ZNF608: variants seen among roughly 807,000 people sequenced by gnomAD.
The protein encoded by ZNF608 is zinc finger protein 608.
A neutral mutation model predicts 109.0 loss-of-function variants in ZNF608; 12 were observed. The observed-to-expected ratio is 0.11, with a 90% CI of 0.07 to 0.18. The LOEUF (loss-of-function observed/expected upper bound fraction) is 0.18, where lower values mean the gene tolerates loss of function less well. Among genes scored for constraint, ZNF608 ranks in the 10% least tolerant of loss-of-function variants. ZNF608 has a pLI of 1.00. For synonymous variants in ZNF608, 732 were observed against 717.4 expected (o/e 1.02, Z -0.33); for missense variants, 1,707 against 1,879.3 (o/e 0.91, Z 1.70).
intron 3 of ZNF608, among the ~76,000 whole-genome samples, chr5:124,662,949 A>G (rs1343859277): frequency 6.6e-6 from 1 of 152,248 alleles, no homozygotes; most frequent in Non-Finnish European, 1.5e-5. Flanking sequence ...GGGGGTTGCC[A>G]CCTGGAACAA....
At chr5:124,686,323 A>G (rs1752410010) in intron 3 of ZNF608, among the ~76,000 whole-genome samples, 1 of 152,206 alleles carries the variant, frequency 6.6e-6, no homozygotes, top group Admixed American at 6.5e-5. Context: ...AGACAAGTTC[A>G]ACATGGTGCT....
At position 124,649,091 on chromosome 5, in the gene ZNF608, G is replaced by T. The variant is rs763858416; in HGVS notation, c.1293C>A (p.Gly431=). ...ACCTCGCTCTCTTCCCTCTGCCCCG[G>T]CCCCCTCTCATCTCCAGGTCACTTG... The part of the protein sequence containing the change: ...SPTSDLEMRG[G]RGRGKRARSA... The change falls in exon 5 of 10, where the codon GGC becomes GGA. Residue 431 remains glycine (G), a synonymous_variant. Coordinates refer to ENST00000513986, the MANE Select transcript of ZNF608 (RefSeq NM_020747.3). 8.2e-6 allele frequency: 13 copies of T among 1,591,022 alleles called. No individual in the cohort carries two copies. The highest frequency in any genetic ancestry group is 1.1e-5 in the Non-Finnish European group (13 of 1,172,516).
At position 124,745,191 on chromosome 5, in the gene ZNF608, A is replaced by T; in HGVS notation, c.-183-19T>A. ...CCTTTTCCTGTGAAGGGGGGGGGAA[A>T]AGTCGAATATTTCTTGTCTGGGTGT... On this transcript the variant is annotated intron_variant, in intron 1 of 9. Coordinates refer to ENST00000513986, the MANE Select transcript of ZNF608 (RefSeq NM_020747.3). 1.4e-6 allele frequency: 2 copies of T among 1,404,844 alleles called. No homozygotes were observed. Among genetic ancestry groups the T allele is most frequent in the African/African-American group, 1.4e-5 (1 of 69,126 alleles). 87.0% of individuals were successfully genotyped at this position (1,404,844 alleles called of 1,614,324 possible).
chr5:124,647,598 C>G lies in ZNF608; in HGVS notation c.2786G>C (p.Ser929Thr). 1 of 1,614,222 alleles carries G rather than the reference C, an allele frequency of 6.2e-7. No homozygotes were observed. The highest frequency in any genetic ancestry group is 8.5e-7 in the Non-Finnish European group (1 of 1,180,040). The stretch of plus-strand genomic sequence containing the variant: ...CGGGCTGCTTGTCTTTGCAGCTGAA[C>G]TCTCTGCCCCATTCTGGGTCAACAC... ...LHVLTQNGAE[S>T]SAAKTSSPAY... The change falls in exon 5 of 10, where the codon AGT (serine) becomes ACT (threonine). Residue 929 changes from serine to threonine, a missense_variant. Physicochemically the swap from Ser to Thr is moderately conservative, Grantham distance 58. Coordinates refer to ENST00000513986, the MANE Select transcript of ZNF608 (RefSeq NM_020747.3).
chr5:124,646,792 A>C lies in ZNF608; in HGVS notation c.3592T>G (p.Phe1198Val). Residue 1198 changes from phenylalanine to valine, a missense_variant, in exon 5 of 10, where the codon TTC (phenylalanine) becomes GTC (valine). Physicochemically the swap from Phe to Val is conservative, Grantham distance 50 (BLOSUM62 -1). Around this residue, in one of 7 missense-constraint regions of ZNF608, gnomAD observed 1,073 missense variants for 1,133.5 expected, o/e 0.95. Coordinates refer to ENST00000513986, the MANE Select transcript of ZNF608 (RefSeq NM_020747.3). ...TGGTTTTCCATCTGCTTAGCTTTGA[A>C]GCTGTCGGCCTGAAGCTGCTGCTGG... Reference protein sequence around the residue: ...NHQQQLQADSFKAKQMENHQL... With the variant: ...NHQQQLQADSVKAKQMENHQL... 1.9e-6 allele frequency: 3 copies of C among 1,614,222 alleles called. No homozygotes were observed. The highest frequency in any genetic ancestry group is 2.5e-6 in the Non-Finnish European group (3 of 1,180,040).
intron 2 of ZNF608, among the ~76,000 whole-genome samples, chr5:124,733,520 A>T (rs1749003577): frequency 6.6e-6 from 1 of 152,104 alleles, no homozygotes; most frequent in Non-Finnish European, 1.5e-5. Context: ...CTTGAACTCC[A>T]ACTGTCTTGT....
chr5:124,746,075 G>C, intron 1 of ZNF608, 120 bp downstream of exon 1: 1 of 970,222 alleles, frequency 1.0e-6, no homozygotes, highest in Non-Finnish European at 1.2e-6. Flanking sequence ...GAGTGTGTTT[G>C]ACAAAGAGCA....
intron 3 of ZNF608, among the ~76,000 whole-genome samples, chr5:124,698,454 A>G (rs952921815): frequency 2.0e-5 from 3 of 152,216 alleles, no homozygotes; most frequent in Non-Finnish European, 2.9e-5. Flanking sequence ...ACCACAGTAA[A>G]CATCCACACA....
intron 2 of ZNF608, among the ~76,000 whole-genome samples, chr5:124,720,455 A>G (rs575740053): frequency 6.6e-6 from 1 of 152,362 alleles, no homozygotes; most frequent in Admixed American, 6.5e-5. Context: ...AGGCTCTACA[A>G]AAACCACAAC....
At chr5:124,646,554 G>C (rs1465066491) in intron 5 of ZNF608, 125 bp downstream of exon 5, 1 of 1,173,616 alleles carries the variant, frequency 8.5e-7, no homozygotes, top group Non-Finnish European at 1.2e-6. Flanking sequence ...TTTTTCAAGA[G>C]CAGAGGAAAA....
At position 124,637,834 on chromosome 5, in the gene ZNF608, C is replaced by A. The variant is rs916905163; in HGVS notation, c.*66G>T. 1 of 1,557,424 alleles carries A rather than the reference C, an allele frequency of 6.4e-7. No homozygotes were observed. Among genetic ancestry groups the A allele is most frequent in the Admixed American group, 1.8e-5 (1 of 55,686 alleles). On this transcript the variant is annotated 3_prime_UTR_variant, in exon 10 of 10. Transcript: ENST00000513986. ...GGCATTTCAAATTAACACCATGGAA[C>A]TGATGTCTGTATAAAGCGCTTCCCC...
In ZNF608 at chr5:124,648,470, C is replaced by T. The variant is rs959142950; in HGVS notation, c.1914G>A (p.Lys638=). 6.2e-7 allele frequency: 1 copy of T among 1,614,076 alleles called. No homozygotes were observed. The highest frequency in any genetic ancestry group is 2.2e-5 in the East Asian group (1 of 44,882). The stretch of plus-strand genomic sequence containing the variant: ...CATTGCTCATCAGCTCTCTCTTTCC[C>T]TTTGGGGTCCCAGGTGGGTTTCCAG... ...PGAGNPPGTP[K]GKRELMSNGP... The change falls in exon 5 of 10, where the codon AAG becomes AAA. Residue 638 remains lysine, a synonymous_variant. Coordinates refer to ENST00000513986, the MANE Select transcript of ZNF608 (RefSeq NM_020747.3).
chr5:124,660,513 T>C (rs981050437), intron 3 of ZNF608, among the ~76,000 whole-genome samples: 2 of 152,112 alleles, frequency 1.3e-5, no homozygotes, highest in African/African-American at 4.8e-5. Flanking sequence ...TCTGCAGTCA[T>C]TTCTGAGGAG....
intron 3 of ZNF608, among the ~76,000 whole-genome samples, chr5:124,673,721 G>A (rs934022078): frequency 6.6e-5 from 10 of 152,042 alleles, no homozygotes; most frequent in Non-Finnish European, 1.5e-4. Flanking sequence ...TAGGGGAGAG[G>A]AAACCTCAGG....
intron 2 of ZNF608, among the ~76,000 whole-genome samples, chr5:124,733,361 T>C (rs1328507919): frequency 6.6e-6 from 1 of 151,940 alleles, no homozygotes; most frequent in Non-Finnish European, 1.5e-5. Context: ...AACAAAAGCA[T>C]GTAATGCTTC....
At chr5:124,737,212 T>A (rs1749192859) in intron 2 of ZNF608, among the ~76,000 whole-genome samples, 1 of 152,216 alleles carries the variant, frequency 6.6e-6, no homozygotes, top group South Asian at 2.1e-4. Flanking sequence ...AATCAATATA[T>A]TTTTACTTGC....
intron 8 of ZNF608, among the ~76,000 whole-genome samples, chr5:124,640,609 A>G (rs1427938644): frequency 6.6e-6 from 1 of 152,240 alleles, no homozygotes; most frequent in Admixed American, 6.5e-5. Context: ...AGCAAGTTGT[A>G]AAGATGGTGC....
intron 3 of ZNF608, among the ~76,000 whole-genome samples, chr5:124,650,982 G>T (rs1750747870): frequency 6.6e-6 from 1 of 152,192 alleles, no homozygotes; most frequent in South Asian, 2.1e-4. Flanking sequence ...AATGGAGAAC[G>T]ATTTCTTTCC....
Position 124,724,296 on chromosome 5 carries a change from T to TG in ZNF608, c.906+19787dup, listed in dbSNP as rs1274061168. ...AAATAATTGGCTCTAGGGAACAGTC[T>TG]GGGGGGCATAAGGGGGAAGTAAAAC... On this transcript the variant is annotated intron_variant, in intron 2 of 9. Coordinates refer to ENST00000513986, the MANE Select transcript of ZNF608 (RefSeq NM_020747.3). Among the ~76,000 whole-genome samples, 3 of 152,010 alleles carry TG rather than the reference T, an allele frequency of 2.0e-5. 1 individual carries two copies. The highest frequency in any genetic ancestry group is 4.4e-5 in the Non-Finnish European group (3 of 68,008).
Sources: gnomAD v4.1 joint callset for allele counts (sites outside exome capture counted in the v4.1 genomes callset) on GRCh38, gnomAD v4.1.1 for gene constraint, gnomAD v4.1.1 regional missense constraint, MANE v1.5 for transcripts, NCBI Gene and HGNC (gene_info 2026-07-23, HGNC 2026-07-21) for gene names.